WDR11: variants seen among roughly 807,000 people sequenced by gnomAD.
The protein encoded by WDR11 is WD repeat domain 11.
WDR11 carries 83 observed loss-of-function variants against 151.2 expected under a neutral mutation model. The observed-to-expected ratio is 0.55, with a 90% CI of 0.46 to 0.66. WDR11 has a LOEUF of 0.66. WDR11 is among the 30% of genes least tolerant of loss of function. The pLI, the probability that WDR11 is intolerant of heterozygous loss-of-function variation, is 0.00. For synonymous variants in WDR11, 484 were observed against 533.1 expected, an observed-to-expected ratio of 0.91 and a Z score of 1.27; for missense variants, 1,301 against 1,480.9, an observed-to-expected ratio of 0.88 and a Z score of 1.99.
At chr10:120,907,353 T>A (rs910818867) in intron 28 of WDR11, 2 of 165,892 alleles carry the variant, frequency 1.2e-5, no homozygotes, top group Non-Finnish European at 2.7e-5. Flanking sequence ...CCAGCCACTA[T>A]AATCCACCCA....
chr10:120,854,618 T>C (rs1370818343), intron 2 of WDR11, among the ~76,000 whole-genome samples: 1 of 152,200 alleles, frequency 6.6e-6, no homozygotes, highest in Non-Finnish European at 1.5e-5. Context: ...ATTAGTAGTG[T>C]ATGAGGAGTC....
rs1317993316 is a variant in WDR11, at chr10:120,867,180, T to C, written c.1294+11T>C. ...TAGATAACATGATTGGTAAGCTTTT[T>C]TCCCCTCTAACTCCATGTTAAGTAT... On this transcript the variant is annotated intron_variant, in intron 9 of 28. Coordinates refer to ENST00000263461, the MANE Select transcript of WDR11 (RefSeq NM_018117.12). 3 of 1,587,062 alleles carry C rather than the reference T, an allele frequency of 1.9e-6. No homozygotes were observed. Among genetic ancestry groups the C allele is most frequent in the Non-Finnish European group, 2.6e-6 (3 of 1,155,492 alleles).
At chr10:120,876,028 G>A (rs1230847998) in intron 11 of WDR11, among the ~76,000 whole-genome samples, 2 of 138,580 alleles carry the variant, frequency 1.4e-5, no homozygotes, top group Non-Finnish European at 3.0e-5. Context: ...GCCCAGGCTA[G>A]AGTGGAATGG....
At position 120,880,683 on chromosome 10, in the gene WDR11, A is replaced by G. The variant is rs537655589; in HGVS notation, c.1664-143A>G. Reference sequence around the variant, plus strand: ...AAAAAAAAAACCCGAAAAAACAGAAACAGATTAGAAGCAAATGGAAGAATG... The same window carrying G: ...AAAAAAAAAACCCGAAAAAACAGAAGCAGATTAGAAGCAAATGGAAGAATG... On this transcript the variant is annotated intron_variant, in intron 12 of 28. Coordinates refer to ENST00000263461, the MANE Select transcript of WDR11 (RefSeq NM_018117.12). 1.0e-4 allele frequency: 78 copies of G among 772,362 alleles called. 1 individual carries two copies. In the East Asian group the frequency reaches 2.1e-3, roughly 20 times the overall value. The allele number at this position is 772,362 out of a possible 1,614,324, so 47.8% of individuals were successfully genotyped here.
At chr10:120,876,319 G>A (rs1846786783) in intron 11 of WDR11, among the ~76,000 whole-genome samples, 1 of 152,122 alleles carries the variant, frequency 6.6e-6, no homozygotes, top group Admixed American at 6.5e-5. Flanking sequence ...GATTGTGATG[G>A]AAATCTCTGA....
rs1374015947 is a variant in WDR11, at chr10:120,865,150, C to T, written c.817C>T (p.Leu273Phe). The T allele has an allele frequency of 6.2e-7, 1 of 1,613,898 alleles. No individual in the cohort carries two copies. Among genetic ancestry groups the T allele is most frequent in the South Asian group, 1.1e-5 (1 of 91,084 alleles). Residue 273 changes from leucine (L) to phenylalanine (F), a missense_variant, in exon 6 of 29, where the codon CTT (leucine) becomes TTT (phenylalanine). By Grantham distance (22) the Leu-to-Phe change is conservative. Around this residue, in one of 3 missense-constraint regions of WDR11, gnomAD observed 692 missense variants for 762.5 expected, o/e 0.91. Coordinates refer to ENST00000263461, the MANE Select transcript of WDR11 (RefSeq NM_018117.12). ...TCCTCGAGAGATTTTAATCCTTGAC[C>T]TTGAGGTGAATCAGACGGTGGGTGT... is the stretch of plus-strand genomic sequence containing the variant. ...LYPREILILD[L>F]EVNQTVGVIA...
intron 10 of WDR11, 110 bp downstream of exon 10, chr10:120,871,456 A>C: frequency 8.7e-7 from 1 of 1,153,220 alleles, no homozygotes. Context: ...AAAAGGAGAT[A>C]GAGACTAAGT....
At chr10:120,908,498 C>A in intron 28 of WDR11, 58 bp from the exon 29 acceptor site, 1 of 1,565,622 alleles carries the variant, frequency 6.4e-7, no homozygotes. Flanking sequence ...CTTCTGGGAG[C>A]CTGTGAAGAG....
At chr10:120,896,071 G>C (rs192159073) in intron 19 of WDR11, among the ~76,000 whole-genome samples, 24 of 152,332 alleles carry the variant, frequency 1.6e-4, no homozygotes, top group Admixed American at 1.4e-3. Context: ...TAGGAGATTG[G>C]TTGAATAAAT....
intron 19 of WDR11, among the ~76,000 whole-genome samples, chr10:120,896,274 A>G (rs76459098): frequency 0.017 from 2,517 of 152,320 alleles, 20 homozygotes; most frequent in African/African-American, 0.026. Context: ...TTACTAAAAC[A>G]CACACCACAC....
rs544165500 is a variant in WDR11 at position 120,869,196 on chromosome 10, C to T, written c.1295-1974C>T. On this transcript the variant is annotated intron_variant, in intron 9 of 28. Transcript: ENST00000263461. ...CGCGATCTCGGCTCACTGCAAGCTC[C>T]GCCTCCCGGGTTCACGCCATTCTCC... Among the ~76,000 whole-genome samples the T allele has an allele frequency of 8.9e-3, 1,330 of 150,030 alleles. 16 individuals are homozygous for T. Among genetic ancestry groups the T allele is most frequent in the African/African-American group, 0.031 (1,256 of 40,650 alleles).
At chr10:120,871,107 T>A (rs1218961913) in intron 9 of WDR11, 63 bp from the exon 10 acceptor site, 14 of 1,559,940 alleles carry the variant, frequency 9.0e-6, no homozygotes, top group Non-Finnish European at 7.9e-6. Flanking sequence ...GAAAATTTTC[T>A]TTAGCTTTTT....
chr10:120,871,300 G>A lies in WDR11; in HGVS notation c.1425G>A (p.Pro475=), dbSNP rs117848117. 3.0e-3 allele frequency: 4,877 copies of A among 1,613,770 alleles called. 17 individuals are homozygous for A. The highest frequency in any genetic ancestry group is 3.7e-3 in the Non-Finnish European group (4,394 of 1,179,962). Residue 475 remains proline, a synonymous_variant, in exon 10 of 29, where the codon CCG becomes CCA. Transcript: ENST00000263461. ...AGTTTGCTATTCGTATGTGTCCACC[G>A]TTGACCACAAAAAACATCAAGATGT... The part of the protein sequence containing the change: ...APQFAIRMCP[P]LTTKNIKMYQ...
rs899988955 is a variant in WDR11 at position 120,864,905 on chromosome 10, G to C, written c.714-142G>C. On this transcript the variant is annotated intron_variant, in intron 5 of 28. Transcript: ENST00000263461. ...GTACATAGTAGAGATCTAAGTTTTG[G>C]ATGCCAACCCATGTTGGTCACTTCA... The C allele has an allele frequency of 2.3e-5, 20 of 876,810 alleles. No homozygotes were observed. The African/African-American group carries it at 2.4e-4, about 10-fold the overall frequency. The allele number at this position is 876,810 out of a possible 1,614,324, so 54.3% of individuals were successfully genotyped here.
At chr10:120,890,940 A>C (rs928689246) in intron 19 of WDR11, 53 bp downstream of exon 19, 5 of 1,580,926 alleles carry the variant, frequency 3.2e-6, no homozygotes, top group African/African-American at 1.3e-5. Flanking sequence ...CTTTGCCACA[A>C]GCTCTTGTAT....
chr10:120,855,348 C>T (rs1363034056), intron 2 of WDR11, among the ~76,000 whole-genome samples: 1 of 152,006 alleles, frequency 6.6e-6, no homozygotes, highest in Non-Finnish European at 1.5e-5. Context: ...TCATGCTATT[C>T]AGAAAAGCGC....
At position 120,908,573 on chromosome 10, in the gene WDR11, A is replaced by G; in HGVS notation, c.3535A>G (p.Ile1179Val). ...TGGTTTACAGAAACTCATCACTGCT[A>G]TATATGCAGATTATGCCCGGAGTTT... ...TEDTEKLITA[I>V]YADYARSLKN... is the part of the protein sequence containing the mutation. Residue 1179 changes from isoleucine to valine, a missense_variant, in exon 29 of 29, where the codon ATA (isoleucine) becomes GTA (valine). Ile to Val is a conservative substitution (Grantham distance 29). Transcript: ENST00000263461. 4 of 1,614,132 alleles carry G rather than the reference A, an allele frequency of 2.5e-6. No individual in the cohort carries two copies. Among genetic ancestry groups the G allele is most frequent in the South Asian group, 1.1e-5 (1 of 91,072 alleles).
At position 120,905,915 on chromosome 10, in the gene WDR11, C is replaced by T. The variant is rs745952055; in HGVS notation, c.3331C>T (p.Arg1111Trp). Residue 1111 changes from arginine to tryptophan, a missense_variant, in exon 27 of 29, where the codon CGG (arginine) becomes TGG (tryptophan). Physicochemically the swap from Arg to Trp is moderately radical, Grantham distance 101. This residue lies in a region of WDR11 where 589 missense variants were observed against 670.6 expected (regional missense o/e 0.88). Transcript: ENST00000263461. ...TGAGGAGTGTGCCGATGTTTTAAGGCGGTGGGTTGACCACCTTTGTTCTCC... is the reference window on the plus strand; with the variant it reads ...TGAGGAGTGTGCCGATGTTTTAAGGTGGTGGGTTGACCACCTTTGTTCTCC... ...NPEECADVLR[R>W]WVDHLCSPQV... 6.2e-6 allele frequency: 10 copies of T among 1,613,960 alleles called. No individual in the cohort carries two copies. The highest frequency in any genetic ancestry group is 3.3e-5 in the Admixed American group (2 of 60,010).
chr10:120,874,005 C>G (rs970198182), intron 11 of WDR11, 82 bp downstream of exon 11: 13 of 855,700 alleles, frequency 1.5e-5, no homozygotes, highest in African/African-American at 3.3e-5. Flanking sequence ...ATTGAGTACT[C>G]TGTAATATCT....
Sources: gnomAD v4.1 joint callset for allele counts (sites outside exome capture counted in the v4.1 genomes callset) on GRCh38, gnomAD v4.1.1 for gene constraint, gnomAD v4.1.1 regional missense constraint, MANE v1.5 for transcripts, NCBI Gene and HGNC (gene_info 2026-07-23, HGNC 2026-07-21) for gene names.